Variants in LBR observed in about 807,000 individuals in gnomAD.
The protein encoded by LBR is delta(14)-sterol reductase LBR.
In LBR, 28 loss-of-function variants were observed where a neutral mutation model predicts 74.3. The observed-to-expected ratio is 0.38, with a 90% CI of 0.28 to 0.52. The LOEUF is 0.52. LBR is among the 20% of genes least tolerant of loss of function. LBR has a pLI of 0.89. For missense variants in LBR, 717 were observed against 760.3 expected (o/e 0.94, Z 0.67); for synonymous variants, 228 against 269.3 (o/e 0.85, Z 1.50).
chr1:225,426,131 C>G (rs913721648), intron 1 of LBR, among the ~76,000 whole-genome samples: 1 of 152,152 alleles, frequency 6.6e-6, no homozygotes, highest in Admixed American at 6.5e-5. Context: ...CAAAATGAAC[C>G]GGCATTCTTC....
At chr1:225,409,439 T>C (rs1303300761) in intron 10 of LBR, among the ~76,000 whole-genome samples, 1 of 152,186 alleles carries the variant, frequency 6.6e-6, no homozygotes, top group East Asian at 1.9e-4. Flanking sequence ...GGGAGATACA[T>C]AGTATTGATG....
intron 6 of LBR, among the ~76,000 whole-genome samples, chr1:225,417,232 C>T (rs1019266656): frequency 6.6e-6 from 1 of 152,178 alleles, no homozygotes; most frequent in African/African-American, 2.4e-5. Context: ...CTCTACCCTC[C>T]TATCACTGGC....
At position 225,403,362 on chromosome 1, in the gene LBR, C is replaced by A. The variant is rs371589487; in HGVS notation, c.1789G>T (p.Val597Leu). ...DEYHCKKKYGVAWEKYCQRVP... is the reference protein window; with the variant it reads ...DEYHCKKKYGLAWEKYCQRVP... Reference sequence around the variant, plus strand: ...CGCTGACAGTACTTTTCCCAAGCCACGCCGTATTTCTTCTTACAGTGGTAC... The same window carrying A: ...CGCTGACAGTACTTTTCCCAAGCCAAGCCGTATTTCTTCTTACAGTGGTAC... Residue 597 changes from valine (V) to leucine (L), a missense_variant, in exon 14 of 14, where the codon GTG becomes TTG. Physicochemically the swap from Val to Leu is conservative, Grantham distance 32 (BLOSUM62 1). Transcript: ENST00000272163. 3 of 1,612,862 alleles carry A rather than the reference C, an allele frequency of 1.9e-6. No individual in the cohort carries two copies. The African/African-American group carries it at 4.0e-5, about 22-fold the overall frequency.
At chr1:225,425,487 G>A (rs1324520386) in intron 1 of LBR, among the ~76,000 whole-genome samples, 4 of 152,168 alleles carry the variant, frequency 2.6e-5, no homozygotes, top group Non-Finnish European at 5.9e-5. Context: ...GGAGTAGTGG[G>A]GAGGAGCCCA....
intron 1 of LBR, chr1:225,427,723 G>A (rs948725018): frequency 6.6e-6 from 1 of 152,222 alleles, no homozygotes; most frequent in African/African-American, 2.4e-5. Flanking sequence ...GGCCCGGCTC[G>A]GGCGAGCTCC....
intron 13 of LBR, among the ~76,000 whole-genome samples, chr1:225,403,828 C>T (rs1443971835): frequency 1.3e-5 from 2 of 151,946 alleles, no homozygotes; most frequent in Non-Finnish European, 2.9e-5. Flanking sequence ...GGGCCAGCTC[C>T]TCCACCTCCA....
At chr1:225,412,714 A>G in intron 7 of LBR, 69 bp from the exon 8 acceptor site, 1 of 1,330,300 alleles carries the variant, frequency 7.5e-7, no homozygotes, top group Non-Finnish European at 1.0e-6. Flanking sequence ...AACTTACGCC[A>G]CTATGAAACA....
chr1:225,416,303 G>T (rs1041215125), intron 6 of LBR, among the ~76,000 whole-genome samples: 4 of 152,014 alleles, frequency 2.6e-5, no homozygotes, highest in Non-Finnish European at 5.9e-5. Context: ...ATTCAGCACA[G>T]AGATACCCAC....
At chr1:225,404,289 A>T in intron 13 of LBR, 115 bp downstream of exon 13, 1 of 1,416,276 alleles carries the variant, frequency 7.1e-7, no homozygotes, top group Admixed American at 1.7e-5. Flanking sequence ...ACAGTAGAAA[A>T]GGGCGACAAA....
At chr1:225,407,963 C>T (rs1214808214) in intron 10 of LBR, among the ~76,000 whole-genome samples, 1 of 152,066 alleles carries the variant, frequency 6.6e-6, no homozygotes. Context: ...TGTTGCAATA[C>T]ATGTAATATA....
intron 8 of LBR, 70 bp from the exon 9 acceptor site, chr1:225,411,510 C>T (rs1466023183): frequency 7.4e-6 from 8 of 1,087,726 alleles, no homozygotes; most frequent in Middle Eastern, 2.0e-4. Context: ...ACGGCACTGC[C>T]GCCCACTATC....
chr1:225,425,683 CCTT>C (rs747717380), intron 1 of LBR, among the ~76,000 whole-genome samples: 48 of 152,264 alleles, frequency 3.2e-4, no homozygotes, highest in Non-Finnish European at 4.3e-4. Flanking sequence ...AATGTACCCT[CCTT>C]CTCTCTTCTC....
rs1488460285 is a variant in LBR, at chr1:225,411,078, A to C, written c.1188+259T>G. 2.0e-5 allele frequency among the ~76,000 whole-genome samples: 3 copies of C among 152,360 alleles called. No homozygotes were observed. The East Asian group carries it at 5.8e-4, about 29-fold the overall frequency. ...TTTCTTACATTAATTCATCCACACTATCACTTTCCTACATAAATATAAACT... is the reference window on the plus strand; with the variant it reads ...TTTCTTACATTAATTCATCCACACTCTCACTTTCCTACATAAATATAAACT... On this transcript the variant is annotated intron_variant, in intron 9 of 13. Transcript: ENST00000272163.
chr1:225,415,027 A>G (rs1257386665), intron 7 of LBR, among the ~76,000 whole-genome samples: 1 of 152,230 alleles, frequency 6.6e-6, no homozygotes, highest in African/African-American at 2.4e-5. Context: ...GACAAGTGCA[A>G]TGATTTCTAA....
At position 225,412,618 on chromosome 1, in the gene LBR, G is replaced by T. The variant is rs1259631860; in HGVS notation, c.920C>A (p.Ala307Glu). 1 of 1,610,108 alleles carries T rather than the reference G, an allele frequency of 6.2e-7. No individual in the cohort carries two copies. Among genetic ancestry groups the T allele is most frequent in the Middle Eastern group, 1.7e-4 (1 of 6,044 alleles). ...CTGGAAGAGAGATGTTCCGATGACT[G>T]CAGATGTCAGGATAAAAGCATAGAA... ...NGFYAFILTS[A>E]VIGTSLFQGV... Residue 307 changes from alanine (A) to glutamate (E), a missense_variant, in exon 8 of 14, where the codon GCA (alanine) becomes GAA (glutamate). Transcript: ENST00000272163.
intron 8 of LBR, 25 bp downstream of exon 8, chr1:225,412,429 C>T: frequency 1.9e-6 from 3 of 1,611,130 alleles, no homozygotes; most frequent in Non-Finnish European, 2.5e-6. Context: ...CGCATTCATC[C>T]AACATGCAAT....
intron 2 of LBR, 139 bp downstream of exon 2, chr1:225,423,772 A>T (rs1364364397): frequency 2.4e-6 from 2 of 822,998 alleles, no homozygotes; most frequent in Admixed American, 3.6e-5. Context: ...AGAGCCAAAA[A>T]CAGTATGTGA....
chr1:225,420,207 A>C (rs2096125206), intron 3 of LBR, among the ~76,000 whole-genome samples: 1 of 151,538 alleles, frequency 6.6e-6, no homozygotes, highest in Non-Finnish European at 1.5e-5. Flanking sequence ...CTACTTCGGA[A>C]GCTGAGGCAG....
intron 7 of LBR, 134 bp downstream of exon 7, chr1:225,415,144 A>G: frequency 1.5e-6 from 1 of 647,302 alleles, no homozygotes; most frequent in Non-Finnish European, 2.8e-6. Flanking sequence ...ACAGGTATAA[A>G]CAGTTGCTCT....
Sources: allele counts gnomAD v4.1 joint callset (sites outside exome capture counted in the v4.1 genomes callset), GRCh38; gene constraint gnomAD v4.1.1; transcripts MANE v1.5; gene names NCBI Gene and HGNC (gene_info 2026-07-23, HGNC 2026-07-21).